PDE1A: variants seen among roughly 807,000 people sequenced by gnomAD.
The protein encoded by PDE1A is phosphodiesterase 1A, also known as dual specificity calcium/calmodulin-dependent 3',5'-cyclic nucleotide phosphodiesterase 1A.
Under a neutral mutation model 61.7 loss-of-function variants are expected in PDE1A, and 35 were observed. That is an observed-to-expected ratio of 0.57 (90% CI 0.43 to 0.75). The LOEUF is 0.75. PDE1A is among the 30% of genes least tolerant of loss of function. The probability of loss-of-function intolerance (pLI) is 0.00; values close to 1 mark genes in which losing one functional copy is unlikely to be tolerated. For synonymous variants in PDE1A, 232 were observed against 213.2 expected, an observed-to-expected ratio of 1.09 and a Z score of -0.77; for missense variants, 597 against 630.6, an observed-to-expected ratio of 0.95 and a Z score of 0.57.
upstream of PDE1A, among the ~76,000 whole-genome samples, chr2:182,428,634 A>G (rs533929647): frequency 6.0e-4 from 91 of 152,220 alleles, no homozygotes; most frequent in African/African-American, 2.1e-3. Flanking sequence ...TATTATTACC[A>G]TATGCTTTGG....
intron 1 of PDE1A, among the ~76,000 whole-genome samples, chr2:182,363,006 A>C (rs1465173324): frequency 6.6e-6 from 1 of 152,046 alleles, no homozygotes; most frequent in African/African-American, 2.4e-5. Context: ...GTGGGAGCTA[A>C]ATGATGAGAA....
At chr2:182,353,067 A>G (rs1332574757) in intron 1 of PDE1A, among the ~76,000 whole-genome samples, 1 of 152,202 alleles carries the variant, frequency 6.6e-6, no homozygotes, top group East Asian at 1.9e-4. Context: ...ATGTAGCTTG[A>G]CAACTACTAT....
chr2:182,502,312 T>TTG (rs1237670222), intron 2 of PDE1A, among the ~76,000 whole-genome samples: 6 of 134,354 alleles, frequency 4.5e-5, no homozygotes, highest in Admixed American at 7.2e-5. Context: ...CTACTCTCTT[T>TTG]CGTGTGTGTG....
At chr2:182,506,048 T>A (rs1353090514) in intron 2 of PDE1A, among the ~76,000 whole-genome samples, 2 of 152,230 alleles carry the variant, frequency 1.3e-5, no homozygotes, top group East Asian at 3.8e-4. Flanking sequence ...CGTTAATCTA[T>A]ATGCTAGCCA....
chr2:182,362,905 G>A (rs148598226), intron 1 of PDE1A, among the ~76,000 whole-genome samples: 17 of 152,166 alleles, frequency 1.1e-4, no homozygotes, highest in Non-Finnish European at 1.9e-4. Context: ...ATGCGATCAC[G>A]TTCTTTGCAG....
At chr2:182,482,485 GTAAAA>G (rs1687764358) in intron 2 of PDE1A, among the ~76,000 whole-genome samples, 1 of 151,688 alleles carries the variant, frequency 6.6e-6, no homozygotes, top group South Asian at 2.1e-4. Context: ...CCATGAAGGA[GTAAAA>G]GGATCACAAA....
At chr2:182,425,099 A>C (rs1703527535) in intron 1 of PDE1A, among the ~76,000 whole-genome samples, 1 of 152,226 alleles carries the variant, frequency 6.6e-6, no homozygotes, top group Non-Finnish European at 1.5e-5. Context: ...ATTTGGCATA[A>C]ATCAGTGGTG....
intron 2 of PDE1A, among the ~76,000 whole-genome samples, chr2:182,454,867 T>TCATGTCTAAAA (rs1288984719): frequency 0.045 from 5,812 of 127,780 alleles, 564 homozygotes; most frequent in Middle Eastern, 0.14. Flanking sequence ...GGCAAGGACT[T>TCATGTCTAAAA]CACAAAAGCA....
chr2:182,573,508 A>C, the PDE1A span, among the ~76,000 whole-genome samples: 7,883 of 152,266 alleles, frequency 0.052, 274 homozygotes, highest in Admixed American at 0.084. Flanking sequence ...CTAGGACAGA[A>C]TCTAAAGGGA....
At chr2:182,472,383 A>G (rs1687080587) in intron 2 of PDE1A, among the ~76,000 whole-genome samples, 1 of 152,050 alleles carries the variant, frequency 6.6e-6, no homozygotes, top group Non-Finnish European at 1.5e-5. Context: ...AGCCACAAAA[A>G]AAGAATAAAA....
intron 1 of PDE1A, among the ~76,000 whole-genome samples, chr2:182,397,246 G>A (rs373959074): frequency 6.6e-6 from 1 of 152,118 alleles, no homozygotes; most frequent in Admixed American, 6.5e-5. Flanking sequence ...GTGATGGCAA[G>A]ATGAACAGAA....
At chr2:182,218,530 A>G (rs1688436722) in intron 7 of PDE1A, among the ~76,000 whole-genome samples, 1 of 151,990 alleles carries the variant, frequency 6.6e-6, no homozygotes, top group Admixed American at 6.6e-5. Context: ...AACTGAAATT[A>G]TGTATCCTTT....
the PDE1A span, among the ~76,000 whole-genome samples, chr2:182,582,150 C>A: frequency 3.7e-4 from 57 of 152,258 alleles, no homozygotes. Flanking sequence ...GCCTTCCTGG[C>A]TTTAAATGCA....
intron 2 of PDE1A, among the ~76,000 whole-genome samples, chr2:182,258,673 T>C (rs1275409766): frequency 6.6e-6 from 1 of 152,200 alleles, no homozygotes; most frequent in Non-Finnish European, 1.5e-5. Context: ...TCTTTAAGAA[T>C]AGGCAGGGAG....
upstream of PDE1A, among the ~76,000 whole-genome samples, chr2:182,523,436 C>T (rs1436377214): frequency 4.6e-5 from 7 of 152,126 alleles, no homozygotes; most frequent in East Asian, 1.3e-3. Context: ...ACATGGCGAG[C>T]TTTCTTTGAA....
intron 12 of PDE1A, 57 bp downstream of exon 12, chr2:182,186,411 A>G (rs1685210608): frequency 1.9e-6 from 3 of 1,561,938 alleles, no homozygotes; most frequent in South Asian, 1.2e-5. Flanking sequence ...ATCATTAAGG[A>G]AAGTGTTACT....
the PDE1A span, among the ~76,000 whole-genome samples, chr2:182,561,487 C>T: frequency 8.5e-5 from 13 of 152,262 alleles, no homozygotes; most frequent in South Asian, 2.3e-3. Context: ...AGTCAGGCAG[C>T]ATGATGCCTC....
the PDE1A span, among the ~76,000 whole-genome samples, chr2:182,605,312 G>A: frequency 6.6e-6 from 1 of 152,032 alleles, no homozygotes; most frequent in Admixed American, 6.6e-5. Context: ...TTCCCTCACA[G>A]CTAGTTGTGA....
Position 182,286,645 on chromosome 2 carries a change from C to T in PDE1A, c.54-22231G>A, listed in dbSNP as rs114415637. Among the ~76,000 whole-genome samples the T allele has an allele frequency of 6.5e-3, 995 of 152,118 alleles. 12 individuals are homozygous for T. Among genetic ancestry groups the T allele is most frequent in the African/African-American group, 0.022 (930 of 41,494 alleles). ...CATAGTCGCTGTATTCACATTAAGC[C>T]GGTGGAGAGGGAAAGAACATGGATG... On this transcript the variant is annotated intron_variant, in intron 1 of 13. Transcript: ENST00000351439.
Sources: gnomAD v4.1 joint callset for allele counts (sites outside exome capture counted in the v4.1 genomes callset) on GRCh38, gnomAD v4.1.1 for gene constraint, MANE v1.5 for transcripts, NCBI Gene and HGNC (gene_info 2026-07-23, HGNC 2026-07-21) for gene names.